Variants in HPCAL4 observed in about 807,000 individuals in gnomAD.
HPCAL4 encodes hippocalcin like 4, also known as hippocalcin-like protein 4.
A neutral mutation model predicts 18.2 loss-of-function variants in HPCAL4; 16 were observed. The observed-to-expected ratio is 0.88, with a 90% CI of 0.59 to 1.33. The LOEUF (loss-of-function observed/expected upper bound fraction) is 1.33. HPCAL4 is among the 40% of genes most tolerant of loss of function. The pLI, the probability that HPCAL4 is intolerant of heterozygous loss-of-function variation, is 0.00. For missense variants in HPCAL4, 214 were observed against 256.6 expected (o/e 0.83, Z 1.14); for synonymous variants, 80 against 97.5 (o/e 0.82, Z 1.06).
chr1:39,683,661 GA>G (rs1255514080), intron 3 of HPCAL4, among the ~76,000 whole-genome samples: 1 of 152,226 alleles, frequency 6.6e-6, no homozygotes, highest in Non-Finnish European at 1.5e-5. Context: ...AGAATGAGTT[GA>G]AAACATCAGC....
At chr1:39,684,289 C>G in intron 2 of HPCAL4, 137 bp from the exon 3 acceptor site, 28 of 821,024 alleles carry the variant, frequency 3.4e-5, no homozygotes, top group Non-Finnish European at 4.5e-5. Flanking sequence ...CCGGGTGCCT[C>G]ACCTCCCCCG....
chr1:39,683,820 G>A, intron 3 of HPCAL4, 117 bp downstream of exon 3: 1 of 862,722 alleles, frequency 1.2e-6, no homozygotes, highest in East Asian at 2.6e-5. Flanking sequence ...GGTAGGAGGC[G>A]GGATCGCAGG....
In HPCAL4 at chr1:39,684,436, G is replaced by A. The variant is rs1051485295; in HGVS notation, c.162+6C>T. ...GGCTCCCTCACACCAGGTGCCGGCC[G>A]CCCACCTTGATGTAGAGCTGCTGAA... is the stretch of plus-strand genomic sequence containing the variant. On this transcript the variant is annotated splice_donor_region_variant and intron_variant, in intron 2 of 3. Transcript: ENST00000372844. 3.4e-6 allele frequency: 5 copies of A among 1,474,944 alleles called. No individual in the cohort carries two copies. The highest frequency in any genetic ancestry group is 3.6e-6 in the Non-Finnish European group (4 of 1,111,168). The allele number at this position is 1,474,944 out of a possible 1,614,324, so 91.4% of individuals were successfully genotyped here.
At chr1:39,686,843 G>T (rs1001283128) in intron 1 of HPCAL4, among the ~76,000 whole-genome samples, 2 of 151,606 alleles carry the variant, frequency 1.3e-5, no homozygotes, top group Admixed American at 6.5e-5. Flanking sequence ...CCTCTGACCT[G>T]CCTAGAGTCT....
intron 1 of HPCAL4, among the ~76,000 whole-genome samples, chr1:39,690,470 T>C (rs1219932427): frequency 6.6e-6 from 1 of 151,978 alleles, no homozygotes; most frequent in Non-Finnish European, 1.5e-5. Flanking sequence ...AGGGAGCAAA[T>C]AGTCATACAA....
chr1:39,690,030 T>C (rs1646705949), intron 1 of HPCAL4, among the ~76,000 whole-genome samples: 1 of 152,098 alleles, frequency 6.6e-6, no homozygotes, highest in South Asian at 2.1e-4. Context: ...GGGCTGGTGG[T>C]CTAGGAGGGA....
chr1:39,682,514 G>A lies in HPCAL4; in HGVS notation c.*22C>T, dbSNP rs1557752649. The A allele has an allele frequency of 6.2e-7, 1 of 1,613,446 alleles. No individual in the cohort carries two copies. The highest frequency in any genetic ancestry group is 1.1e-5 in the South Asian group (1 of 91,052). On this transcript the variant is annotated 3_prime_UTR_variant, in exon 4 of 4. Transcript: ENST00000372844. ...AGGTGGCCATGCCCCTTCTGGCCAG[G>A]GACCCTGCCCCTCACCAGCTTCTAC...
chr1:39,687,909 A>AAAAAAAT (rs1553487533), intron 1 of HPCAL4, among the ~76,000 whole-genome samples: 3,842 of 143,718 alleles, frequency 0.027, 166 homozygotes, highest in African/African-American at 0.087. Flanking sequence ...TCTCAAAAAA[A>AAAAAAAT]AAATAAGTAA....
intron 1 of HPCAL4, among the ~76,000 whole-genome samples, chr1:39,689,229 C>T (rs1268482514): frequency 2.0e-4 from 31 of 152,210 alleles, no homozygotes; most frequent in Middle Eastern, 3.4e-3. Context: ...GAGTCTGGGA[C>T]CCATGAGAGC....
At chr1:39,685,805 A>G (rs376500075) in intron 1 of HPCAL4, among the ~76,000 whole-genome samples, 83 of 141,940 alleles carry the variant, frequency 5.8e-4, no homozygotes, top group African/African-American at 7.7e-4. Flanking sequence ...GCGTCAACCC[A>G]GGAGGGAGAG....
chr1:39,691,431 A>G lies in HPCAL4; in HGVS notation c.-134T>C, dbSNP rs2124205646. 1 of 152,366 alleles carries G rather than the reference A, an allele frequency of 6.6e-6. No individual in the cohort carries two copies. Among genetic ancestry groups the G allele is most frequent in the African/African-American group, 2.4e-5 (1 of 41,574 alleles). The allele number at this position is 152,366 out of a possible 1,614,324, so 9.4% of individuals were successfully genotyped here. A position where few individuals can be genotyped will look rare whatever the true frequency, so the allele number is the denominator to read the frequency against. ...GCCGGAGCCGCCTTCCAGCTCTTGTATCACTATGTGCCTCCCGAAGGCGAC... is the reference window on the plus strand; with the variant it reads ...GCCGGAGCCGCCTTCCAGCTCTTGTGTCACTATGTGCCTCCCGAAGGCGAC... On this transcript the variant is annotated 5_prime_UTR_variant, in exon 1 of 4. Transcript: ENST00000372844.
Position 39,684,171 on chromosome 1 carries a change from G to T in HPCAL4, c.163-19C>A. 3.1e-6 allele frequency: 5 copies of T among 1,590,942 alleles called. No individual in the cohort carries two copies. Among genetic ancestry groups the T allele is most frequent in the Non-Finnish European group, 3.4e-6 (4 of 1,164,974 alleles). ...GGAAGAACTGAGGGGGGTGCGGTGG[G>T]TTGGGGCGCAGCGACAGCCCCGCCC... On this transcript the variant is annotated intron_variant, in intron 2 of 3. Transcript: ENST00000372844.
chr1:39,681,119 T>C lies in HPCAL4; in HGVS notation c.*1417A>G, dbSNP rs1646622756. On this transcript the variant is annotated 3_prime_UTR_variant, in exon 4 of 4. Transcript: ENST00000372844. ...TCAAAGCATGCAGCTGTATAGCTCATGGATCCAAAATTGGGAAGCAGGCAT... is the reference window on the plus strand; with the variant it reads ...TCAAAGCATGCAGCTGTATAGCTCACGGATCCAAAATTGGGAAGCAGGCAT... 1 of 152,542 alleles carries C rather than the reference T, an allele frequency of 6.6e-6. No homozygotes were observed. Among genetic ancestry groups the C allele is most frequent in the Admixed American group, 6.5e-5 (1 of 15,274 alleles). The allele number at this position is 152,542 out of a possible 1,614,324, so 9.4% of individuals were successfully genotyped here. A position where few individuals can be genotyped will look rare whatever the true frequency, so the allele number is the denominator to read the frequency against.
Position 39,681,339 on chromosome 1 carries a change from G to A in HPCAL4, c.*1197C>T, listed in dbSNP as rs576538111. ...CTCTTTCTGATTCTGTGGCAGTGAAGGAACAAGTCCAGTTCTGAAACTAAA... is the reference window on the plus strand; with the variant it reads ...CTCTTTCTGATTCTGTGGCAGTGAAAGAACAAGTCCAGTTCTGAAACTAAA... On this transcript the variant is annotated 3_prime_UTR_variant, in exon 4 of 4. Transcript: ENST00000372844. The A allele has an allele frequency of 2.0e-5, 3 of 152,304 alleles. No individual in the cohort carries two copies. The highest frequency in any genetic ancestry group is 4.1e-4 in the South Asian group (2 of 4,824). The allele number at this position is 152,304 out of a possible 1,614,324, so 9.4% of individuals were successfully genotyped here. A position where few individuals can be genotyped will look rare whatever the true frequency, so the allele number is the denominator to read the frequency against.
In HPCAL4 at chr1:39,679,503, A is replaced by C. The variant is rs1442190143; in HGVS notation, c.*3033T>G. 6.6e-6 allele frequency: 1 copy of C among 152,250 alleles called. No individual in the cohort carries two copies. Among genetic ancestry groups the C allele is most frequent in the Non-Finnish European group, 1.5e-5 (1 of 68,044 alleles). The allele number at this position is 152,250 out of a possible 1,614,324, so 9.4% of individuals were successfully genotyped here. Reference sequence around the variant, plus strand: ...GGCAGATTCTGGGACCTTGCAATTCACAGAGTTGTTGCAATAAGATTGGAA... The same window carrying C: ...GGCAGATTCTGGGACCTTGCAATTCCCAGAGTTGTTGCAATAAGATTGGAA... On this transcript the variant is annotated 3_prime_UTR_variant, in exon 4 of 4. Transcript: ENST00000372844.
At chr1:39,689,835 A>T (rs776092405) in intron 1 of HPCAL4, among the ~76,000 whole-genome samples, 10 of 150,698 alleles carry the variant, frequency 6.6e-5, no homozygotes, top group Non-Finnish European at 1.5e-4. Context: ...TGCCATGGTG[A>T]CAATAGCTCC....
intron 1 of HPCAL4, among the ~76,000 whole-genome samples, chr1:39,688,016 G>A (rs1000070459): frequency 3.9e-5 from 6 of 152,202 alleles, no homozygotes; most frequent in African/African-American, 1.2e-4. Flanking sequence ...GGAGAAAACT[G>A]GCTCAGGGTT....
intron 1 of HPCAL4, among the ~76,000 whole-genome samples, chr1:39,685,786 A>G (rs1169741623): frequency 3.3e-5 from 5 of 151,922 alleles, no homozygotes; most frequent in Non-Finnish European, 2.9e-5. Flanking sequence ...AGGCTGAGGC[A>G]GGAGAATGGC....
At chr1:39,689,625 G>A (rs1300229583) in intron 1 of HPCAL4, among the ~76,000 whole-genome samples, 1 of 152,186 alleles carries the variant, frequency 6.6e-6, no homozygotes, top group Non-Finnish European at 1.5e-5. Flanking sequence ...ACCTCTTGAG[G>A]GCTGTCCTCC....
Sources: gnomAD v4.1 joint callset for allele counts (sites outside exome capture counted in the v4.1 genomes callset) on GRCh38, gnomAD v4.1.1 for gene constraint, MANE v1.5 for transcripts, NCBI Gene and HGNC (gene_info 2026-07-23, HGNC 2026-07-21) for gene names.